FHIT: variants seen among roughly 807,000 people sequenced by gnomAD.
The protein encoded by FHIT is fragile histidine triad diadenosine triphosphatase.
In FHIT, 19 loss-of-function variants were observed where a neutral mutation model predicts 17.9. The ratio of observed to expected loss-of-function variants is 1.06; its 90% confidence interval spans 0.74 to 1.56. The LOEUF (loss-of-function observed/expected upper bound fraction) is 1.56. Among genes scored for constraint, FHIT ranks in the 40% most tolerant of loss-of-function variants. The pLI, the probability that FHIT is intolerant of heterozygous loss-of-function variation, is 0.00. For synonymous variants in FHIT, 81 were observed against 69.7 expected (o/e 1.16, Z -0.81); for missense variants, 248 against 189.2 (o/e 1.31, Z -1.82).
At chr3:60,569,504 T>A (rs2107658515) in intron 4 of FHIT, among the ~76,000 whole-genome samples, 1 of 151,886 alleles carries the variant, frequency 6.6e-6, no homozygotes, top group Non-Finnish European at 1.5e-5. Flanking sequence ...GCCTACTGAG[T>A]AATGAGTTAG....
chr3:60,034,063 C>A (rs1701111384), intron 5 of FHIT, among the ~76,000 whole-genome samples: 1 of 152,144 alleles, frequency 6.6e-6, no homozygotes, highest in Non-Finnish European at 1.5e-5. Flanking sequence ...TATAATGGGG[C>A]AGATGTGGTT....
chr3:61,022,833 T>A (rs1325043774), intron 3 of FHIT, among the ~76,000 whole-genome samples: 4 of 152,182 alleles, frequency 2.6e-5, no homozygotes, highest in African/African-American at 7.2e-5. Flanking sequence ...TAGGTATTGA[T>A]GGAACAGATC....
intron 3 of FHIT, among the ~76,000 whole-genome samples, chr3:60,823,528 G>A (rs1300020789): frequency 6.6e-6 from 1 of 152,122 alleles, no homozygotes; most frequent in Admixed American, 6.6e-5. Context: ...TGAGAATAAA[G>A]GCAGAGATTG....
At chr3:60,732,103 G>A (rs987784949) in intron 4 of FHIT, 14 of 662,224 alleles carry the variant, frequency 2.1e-5, no homozygotes, top group Non-Finnish European at 3.4e-5. Flanking sequence ...CTGAGCTACA[G>A]AAGGAATGGT....
intron 4 of FHIT, among the ~76,000 whole-genome samples, chr3:60,814,233 G>A (rs113133634): frequency 0.032 from 4,830 of 152,002 alleles, 120 homozygotes; most frequent in Non-Finnish European, 0.047. Flanking sequence ...GATTCAGGGG[G>A]TATATTTGCA....
At position 60,029,879 on chromosome 3, in the gene FHIT, T is replaced by TTGTGTGTGTGTGTGTGTGTG. The variant is rs746113510; in HGVS notation, c.104-15728_104-15727insCACACACACACACACACACA. ...TTGGGCAGATGTCCTCATAGAAGCATTGTGTGTGTGTGTGTGTCTGTGTGT... is the reference window on the plus strand; with the variant it reads ...TTGGGCAGATGTCCTCATAGAAGCATTGTGTGTGTGTGTGTGTGTGTGTGTGTGTGTGTGTGTCTGTGTGT... On this transcript the variant is annotated intron_variant, in intron 5 of 9. Transcript: ENST00000492590. Among the ~76,000 whole-genome samples, 497 of 131,454 alleles carry TTGTGTGTGTGTGTGTGTGTG rather than the reference T, an allele frequency of 3.8e-3. 11 individuals carry two copies. The East Asian group carries it at 0.056, about 15-fold the overall frequency. 86.2% of individuals were successfully genotyped at this position (131,454 alleles called of 152,430 possible).
chr3:61,236,376 G>A lies in FHIT; in HGVS notation c.-213+14925C>T, dbSNP rs914276338. Reference sequence around the variant, plus strand: ...AGATGCCTTCCCAGTGACATCTCTTGTGTTGACAACAATCTTTTACTATTC... The same window carrying A: ...AGATGCCTTCCCAGTGACATCTCTTATGTTGACAACAATCTTTTACTATTC... On this transcript the variant is annotated intron_variant, in intron 1 of 9. Transcript: ENST00000492590. Among the ~76,000 whole-genome samples, 10 of 151,732 alleles carry A rather than the reference G, an allele frequency of 6.6e-5. No homozygotes were observed. The East Asian group carries it at 1.9e-3, about 29-fold the overall frequency.
At chr3:60,731,427 A>T (rs1226436005) in intron 4 of FHIT, among the ~76,000 whole-genome samples, 1 of 152,116 alleles carries the variant, frequency 6.6e-6, no homozygotes, top group Admixed American at 6.5e-5. Flanking sequence ...GACTTGAGAG[A>T]TCGAGTGCAT....
At chr3:59,983,549 T>G (rs1320108610) in intron 7 of FHIT, among the ~76,000 whole-genome samples, 1 of 152,176 alleles carries the variant, frequency 6.6e-6, no homozygotes, top group South Asian at 2.1e-4. Context: ...ATCGTAACTA[T>G]GTACATATAG....
At chr3:59,814,143 G>T (rs1283858989) in intron 8 of FHIT, among the ~76,000 whole-genome samples, 1 of 152,164 alleles carries the variant, frequency 6.6e-6, no homozygotes, top group Non-Finnish European at 1.5e-5. Context: ...GAGGATTTGA[G>T]CAAAGAAAAG....
chr3:60,644,030 G>C (rs2039792162), intron 4 of FHIT, among the ~76,000 whole-genome samples: 1 of 152,170 alleles, frequency 6.6e-6, no homozygotes, highest in Admixed American at 6.6e-5. Flanking sequence ...GAGAGTTTGA[G>C]AAATCCCATG....
intron 5 of FHIT, among the ~76,000 whole-genome samples, chr3:60,364,786 A>G (rs2107020729): frequency 6.6e-6 from 1 of 152,308 alleles, no homozygotes; most frequent in African/African-American, 2.4e-5. Context: ...GATGGGCATC[A>G]TTTAATCAAC....
intron 5 of FHIT, among the ~76,000 whole-genome samples, chr3:60,485,259 A>C (rs2033787399): frequency 6.6e-6 from 1 of 152,184 alleles, no homozygotes; most frequent in African/African-American, 2.4e-5. Context: ...TTCCTCAAGG[A>C]TCTAGAACAG....
At chr3:60,645,387 T>C (rs1246659979) in intron 4 of FHIT, among the ~76,000 whole-genome samples, 1 of 152,174 alleles carries the variant, frequency 6.6e-6, no homozygotes, top group Non-Finnish European at 1.5e-5. Context: ...CTTCCCAGGC[T>C]TGATGCAGGC....
chr3:59,963,450 T>G (rs1011932741), intron 7 of FHIT, among the ~76,000 whole-genome samples: 1 of 152,152 alleles, frequency 6.6e-6, no homozygotes, highest in East Asian at 1.9e-4. Flanking sequence ...TTTTTATTTT[T>G]GTTACATGAG....
chr3:60,782,960 C>T (rs12489644), intron 4 of FHIT, among the ~76,000 whole-genome samples: 15,492 of 152,088 alleles, frequency 0.1, 957 homozygotes, highest in African/African-American at 0.16. Flanking sequence ...GGCTCCACCT[C>T]CTAATATTAT....
chr3:59,918,321 G>A (rs932010295), intron 8 of FHIT, among the ~76,000 whole-genome samples: 1 of 152,146 alleles, frequency 6.6e-6, no homozygotes, highest in Non-Finnish European at 1.5e-5. Flanking sequence ...ATTGGGGGAT[G>A]CAGGTATTGA....
chr3:60,436,571 TG>T (rs1279207226), intron 5 of FHIT, among the ~76,000 whole-genome samples: 104 of 107,924 alleles, frequency 9.6e-4, no homozygotes, highest in Non-Finnish European at 1.9e-4. Context: ...GTAAAGGAAA[TG>T]TTTACTTTGA....
chr3:60,126,462 A>G (rs926547715), intron 5 of FHIT, among the ~76,000 whole-genome samples: 1 of 152,196 alleles, frequency 6.6e-6, no homozygotes, highest in Non-Finnish European at 1.5e-5. Context: ...CTCTCATGGA[A>G]TTCTAACTAC....
Sources: allele counts gnomAD v4.1 joint callset (sites outside exome capture counted in the v4.1 genomes callset), GRCh38; gene constraint gnomAD v4.1.1; transcripts MANE v1.5; gene names NCBI Gene and HGNC (gene_info 2026-07-23, HGNC 2026-07-21).